Variants in PRSS23 observed in about 807,000 individuals in gnomAD.
The protein encoded by PRSS23 is serine protease 23.
Under a neutral mutation model 34.7 loss-of-function variants are expected in PRSS23, and 25 were observed. The observed-to-expected ratio is 0.72, with a 90% confidence interval of 0.53 to 1.01. The LOEUF is 1.01. PRSS23 is among the 50% of genes least tolerant of loss of function. The pLI is 0.00. For synonymous variants in PRSS23, 176 were observed against 186.6 expected (o/e 0.94, Z 0.46); for missense variants, 445 against 475.6 (o/e 0.94, Z 0.60).
intron 2 of PRSS23, among the ~76,000 whole-genome samples, chr11:86,843,087 A>T (rs1015074789): frequency 5.9e-5 from 9 of 152,196 alleles, no homozygotes; most frequent in African/African-American, 2.2e-4. Context: ...AGACCAATGG[A>T]ACAGAACAGA....
At chr11:86,854,093 C>T (rs1429544482) in intron 2 of PRSS23, among the ~76,000 whole-genome samples, 3 of 152,144 alleles carry the variant, frequency 2.0e-5, no homozygotes, top group African/African-American at 4.8e-5. Context: ...CTCCGCCTCC[C>T]GGGTTCAAGC....
intron 2 of PRSS23, among the ~76,000 whole-genome samples, chr11:86,879,935 C>G (rs1308416879): frequency 6.6e-6 from 1 of 151,642 alleles, no homozygotes; most frequent in Non-Finnish European, 1.5e-5. Context: ...ACCACCCCGT[C>G]TGGGAGGTGT....
chr11:86,854,933 G>A lies in PRSS23; in HGVS notation c.206+31340G>A, dbSNP rs555609419. Among the ~76,000 whole-genome samples, 10 of 152,304 alleles carry A rather than the reference G, an allele frequency of 6.6e-5. No individual in the cohort carries two copies. In the East Asian group the frequency reaches 7.7e-4, roughly 12 times the overall value. On this transcript the variant is annotated intron_variant, in intron 2 of 2. Coordinates refer to the PRSS23 transcript ENST00000533902. ...TGTAATCCCAGCACTTTGAGAGGCC[G>A]AGGTGGGCGGTCACCTGAGGTCGGA...
At chr11:86,822,528 G>A (rs1948259985) in intron 1 of PRSS23, among the ~76,000 whole-genome samples, 2 of 151,880 alleles carry the variant, frequency 1.3e-5, no homozygotes, top group Admixed American at 1.3e-4. Context: ...GGCTGAGGTG[G>A]GAGGATAGCT....
At chr11:86,872,662 G>A (rs1272901469) in intron 2 of PRSS23, among the ~76,000 whole-genome samples, 1 of 152,122 alleles carries the variant, frequency 6.6e-6, no homozygotes, top group Non-Finnish European at 1.5e-5. Context: ...AAAATTTGGA[G>A]TTATGCATAT....
At chr11:86,880,072 C>G (rs1290814596) in intron 2 of PRSS23, among the ~76,000 whole-genome samples, 1 of 151,858 alleles carries the variant, frequency 6.6e-6, no homozygotes, top group African/African-American at 2.4e-5. Context: ...GAGGTAGACA[C>G]GGGAGACTTT....
chr11:86,793,672 G>C (rs928008012), intron 1 of PRSS23, among the ~76,000 whole-genome samples: 2 of 152,060 alleles, frequency 1.3e-5, no homozygotes, highest in African/African-American at 4.8e-5. Context: ...GTTCCTAGTG[G>C]CTGGCAAGCT....
exon 3 of PRSS23, chr11:86,951,630 A>G (rs562056288): frequency 6.2e-7 from 1 of 1,614,208 alleles, no homozygotes; most frequent in East Asian, 2.2e-5. Context: ...ACATAGCACA[A>G]GCCAGTCAGT....
chr11:86,902,832 A>G (rs1948920313), intron 2 of PRSS23, among the ~76,000 whole-genome samples: 1 of 152,170 alleles, frequency 6.6e-6, no homozygotes, highest in African/African-American at 2.4e-5. Context: ...CTTCCCAAGG[A>G]TCAAAGATGA....
chr11:86,931,763 T>G (rs1469061913), intron 2 of PRSS23, among the ~76,000 whole-genome samples: 2 of 152,142 alleles, frequency 1.3e-5, no homozygotes, highest in East Asian at 3.9e-4. Flanking sequence ...CACCTTGGCC[T>G]CCTAAAGTGC....
At position 86,808,427 on chromosome 11, in the gene PRSS23, A is replaced by G. The variant is rs766487225; in HGVS notation, c.784A>G (p.Lys262Glu). 7 of 1,614,210 alleles carry G rather than the reference A, an allele frequency of 4.3e-6. No individual in the cohort carries two copies. Among genetic ancestry groups the G allele is most frequent in the South Asian group, 2.2e-5 (2 of 91,074 alleles). The change falls in exon 2 of 2, where the codon AAG becomes GAG. Residue 262 changes from lysine to glutamate, a missense_variant. Transcript: ENST00000280258. Reference sequence around the variant, plus strand: ...AAAGCCCCACAAGAGAAAATTTATGAAGATTGGGGTGAGCCCTCCTGCTAA... The same window carrying G: ...AAAGCCCCACAAGAGAAAATTTATGGAGATTGGGGTGAGCCCTCCTGCTAA... ...LKKPHKRKFM[K>E]IGVSPPAKQL...
intron 2 of PRSS23, among the ~76,000 whole-genome samples, chr11:86,923,482 C>T (rs1167752382): frequency 2.0e-5 from 3 of 152,078 alleles, no homozygotes; most frequent in African/African-American, 7.2e-5. Flanking sequence ...TTCTAATGGA[C>T]AAAGCAGAAC....
chr11:86,891,009 G>C (rs1948837826), intron 2 of PRSS23, among the ~76,000 whole-genome samples: 1 of 152,178 alleles, frequency 6.6e-6, no homozygotes, highest in Non-Finnish European at 1.5e-5. Context: ...GTGAGATAAA[G>C]TGGCTAACCA....
intron 2 of PRSS23, among the ~76,000 whole-genome samples, chr11:86,830,379 C>T (rs1052614571): frequency 2.0e-5 from 3 of 152,180 alleles, no homozygotes; most frequent in Admixed American, 6.5e-5. Context: ...ACCCGATTTT[C>T]CAGGTGCCAT....
At chr11:86,897,982 A>G (rs758892360) in intron 2 of PRSS23, among the ~76,000 whole-genome samples, 2 of 152,222 alleles carry the variant, frequency 1.3e-5, no homozygotes, top group Non-Finnish European at 2.9e-5. Context: ...AGATAGATCT[A>G]GACTCTACTT....
Position 86,848,739 on chromosome 11 carries a change from C to G in PRSS23, c.206+25146C>G, listed in dbSNP as rs538659935. On this transcript the variant is annotated intron_variant, in intron 2 of 2. Coordinates refer to the PRSS23 transcript ENST00000533902. ...TGGAGGCATTATTAAACCTGCCAAC[C>G]TCGTTGTTCTATAACAGGGACCAAG... is the stretch of plus-strand genomic sequence containing the variant. Among the ~76,000 whole-genome samples the G allele has an allele frequency of 9.2e-5, 14 of 152,290 alleles. 2 individuals are homozygous for G. The South Asian group carries it at 2.7e-3, about 29-fold the overall frequency.
chr11:86,874,457 A>T (rs1034192458), intron 2 of PRSS23, among the ~76,000 whole-genome samples: 1 of 152,230 alleles, frequency 6.6e-6, no homozygotes, highest in East Asian at 1.9e-4. Flanking sequence ...GAGCACTTGT[A>T]TTCAGTGTAA....
At chr11:86,806,705 C>T (rs555275400) in intron 1 of PRSS23, among the ~76,000 whole-genome samples, 20 of 152,204 alleles carry the variant, frequency 1.3e-4, no homozygotes, top group Non-Finnish European at 2.1e-4. Context: ...TTGTCATTAG[C>T]GTCAGCATGC....
chr11:86,815,776 G>C (rs1565353824), downstream of PRSS23, among the ~76,000 whole-genome samples: 1 of 152,120 alleles, frequency 6.6e-6, no homozygotes, highest in Non-Finnish European at 1.5e-5. Flanking sequence ...TCATGACATA[G>C]ATCCTCTCCC....
Sources: gnomAD v4.1 joint callset for allele counts (sites outside exome capture counted in the v4.1 genomes callset) on GRCh38, gnomAD v4.1.1 for gene constraint, MANE v1.5 for transcripts, NCBI Gene and HGNC (gene_info 2026-07-23, HGNC 2026-07-21) for gene names.